Variants in SDC2 observed in about 807,000 individuals in gnomAD.
The protein encoded by SDC2 is syndecan-2.
Under a neutral mutation model 22.2 loss-of-function variants are expected in SDC2, and 13 were observed. The ratio of observed to expected loss-of-function variants is 0.59; its 90% CI spans 0.38 to 0.93. The LOEUF is 0.93. Ranked by LOEUF, SDC2 falls within the 40% of genes least tolerant of loss-of-function variation. SDC2 has a pLI of 0.00. For missense variants in SDC2, 235 were observed against 246.8 expected (o/e 0.95, Z 0.32); for synonymous variants, 94 against 92.8 (o/e 1.01, Z -0.07).
chr8:96,576,225 T>C (rs188091419), intron 1 of SDC2, among the ~76,000 whole-genome samples: 191 of 152,110 alleles, frequency 1.3e-3, no homozygotes, highest in African/African-American at 4.0e-3. Context: ...TAGTGATTAA[T>C]ACCAGCTCTG....
At chr8:96,608,715 A>G (rs569661972) in intron 4 of SDC2, among the ~76,000 whole-genome samples, 2 of 152,360 alleles carry the variant, frequency 1.3e-5, no homozygotes, top group African/African-American at 4.8e-5. Flanking sequence ...AAAGAGGGAA[A>G]GTTAACATCT....
intron 1 of SDC2, among the ~76,000 whole-genome samples, chr8:96,537,837 A>G (rs1241961248): frequency 6.6e-6 from 1 of 152,214 alleles, no homozygotes; most frequent in East Asian, 1.9e-4. Flanking sequence ...TTTATTGACA[A>G]GTGACTCCTG....
At chr8:96,500,283 G>A (rs1341374805) in intron 1 of SDC2, among the ~76,000 whole-genome samples, 1 of 152,156 alleles carries the variant, frequency 6.6e-6, no homozygotes, top group African/African-American at 2.4e-5. Context: ...TTGGTATGCC[G>A]TTGGTCATTT....
chr8:96,589,386 T>TTTTG (rs142470441), intron 1 of SDC2, among the ~76,000 whole-genome samples: 27 of 150,832 alleles, frequency 1.8e-4, no homozygotes, highest in Admixed American at 9.2e-4. Flanking sequence ...AGGACTTTTG[T>TTTTG]TTTGTTTGTT....
At chr8:96,545,704 C>T (rs1224834515) in intron 1 of SDC2, among the ~76,000 whole-genome samples, 1 of 152,168 alleles carries the variant, frequency 6.6e-6, no homozygotes, top group East Asian at 1.9e-4. Flanking sequence ...TCCTGCCTTC[C>T]ACCCCGACCC....
intron 1 of SDC2, among the ~76,000 whole-genome samples, chr8:96,556,034 T>TCA (rs35496391): frequency 0.014 from 1,991 of 143,660 alleles, 37 homozygotes; most frequent in African/African-American, 0.046. Context: ...TATTAGAATA[T>TCA]CACACACACA....
intron 1 of SDC2, among the ~76,000 whole-genome samples, chr8:96,554,508 A>T (rs1814078329): frequency 6.6e-6 from 1 of 152,190 alleles, no homozygotes; most frequent in Non-Finnish European, 1.5e-5. Context: ...CTAATCTTAT[A>T]ATGCTGTTAA....
chr8:96,589,719 G>A (rs1312700998), intron 1 of SDC2, among the ~76,000 whole-genome samples: 1 of 152,198 alleles, frequency 6.6e-6, no homozygotes, highest in Non-Finnish European at 1.5e-5. Flanking sequence ...CCCAACTAAG[G>A]AGTTTTTATG....
intron 1 of SDC2, among the ~76,000 whole-genome samples, chr8:96,569,626 A>C (rs1222463932): frequency 6.6e-6 from 1 of 152,202 alleles, no homozygotes; most frequent in Non-Finnish European, 1.5e-5. Flanking sequence ...ATAATACTAG[A>C]TGATATTTAT....
intron 2 of SDC2, among the ~76,000 whole-genome samples, chr8:96,596,379 A>C (rs1367060806): frequency 6.6e-6 from 1 of 152,258 alleles, no homozygotes; most frequent in Non-Finnish European, 1.5e-5. Context: ...TGGATTGGAA[A>C]AAATGGCTGA....
At chr8:96,518,252 A>T (rs1813437233) in intron 1 of SDC2, among the ~76,000 whole-genome samples, 2 of 151,868 alleles carry the variant, frequency 1.3e-5, no homozygotes, top group Non-Finnish European at 2.9e-5. Context: ...TTAATTTTTA[A>T]TGGTAAAAAA....
intron 4 of SDC2, among the ~76,000 whole-genome samples, 174 bp downstream of exon 4, chr8:96,608,644 C>T (rs138049319): frequency 1.3e-5 from 2 of 152,356 alleles, no homozygotes; most frequent in African/African-American, 4.8e-5. Context: ...TCTTTATTGT[C>T]TGCCAGCTCC....
chr8:96,503,955 G>A (rs937219386), intron 1 of SDC2, among the ~76,000 whole-genome samples: 1 of 152,142 alleles, frequency 6.6e-6, no homozygotes, highest in Non-Finnish European at 1.5e-5. Flanking sequence ...TTTAAATAGA[G>A]TATTATTAAA....
At chr8:96,499,911 A>G (rs1813135795) in intron 1 of SDC2, among the ~76,000 whole-genome samples, 1 of 152,178 alleles carries the variant, frequency 6.6e-6, no homozygotes. Flanking sequence ...ACTCCTGTGC[A>G]GTGCTGAGCT....
chr8:96,545,767 G>A (rs1365760875), intron 1 of SDC2, among the ~76,000 whole-genome samples: 3 of 152,170 alleles, frequency 2.0e-5, no homozygotes, highest in East Asian at 3.8e-4. Flanking sequence ...CCTGGGCGTC[G>A]GCATTTCTAA....
intron 1 of SDC2, among the ~76,000 whole-genome samples, chr8:96,582,005 G>A (rs1036449151): frequency 2.6e-5 from 4 of 152,224 alleles, no homozygotes; most frequent in African/African-American, 9.6e-5. Context: ...TCTGCGTGAA[G>A]CATGTCAGTT....
At chr8:96,595,965 A>G (rs1332371260) in intron 2 of SDC2, among the ~76,000 whole-genome samples, 1 of 152,198 alleles carries the variant, frequency 6.6e-6, no homozygotes, top group Non-Finnish European at 1.5e-5. Flanking sequence ...GACTTTGGAA[A>G]CCACCTTACA....
intron 1 of SDC2, among the ~76,000 whole-genome samples, chr8:96,543,351 A>G (rs1004118551): frequency 1.3e-5 from 2 of 152,172 alleles, no homozygotes; most frequent in African/African-American, 4.8e-5. Flanking sequence ...TATGTATTTA[A>G]CTTAGATAAT....
intron 1 of SDC2, among the ~76,000 whole-genome samples, chr8:96,502,743 T>C (rs1392066222): frequency 6.6e-6 from 1 of 152,208 alleles, no homozygotes; most frequent in Non-Finnish European, 1.5e-5. Flanking sequence ...TTTTTAACCT[T>C]CTGGGCTCAG....
Sources: gnomAD v4.1 joint callset for allele counts (sites outside exome capture counted in the v4.1 genomes callset) on GRCh38, gnomAD v4.1.1 for gene constraint, MANE v1.5 for transcripts, NCBI Gene and HGNC (gene_info 2026-07-23, HGNC 2026-07-21) for gene names.